Variants in GOLT1B observed in about 807,000 individuals in gnomAD.
The protein encoded by GOLT1B is golgi transport 1B, also known as vesicle transport protein GOT1B.
A neutral mutation model predicts 15.4 loss-of-function variants in GOLT1B; 3 were observed. That is an observed-to-expected ratio of 0.19 (90% confidence interval 0.09 to 0.50). The LOEUF is 0.50. GOLT1B is among the 20% of genes least tolerant of loss of function. The pLI is 0.97. For synonymous variants in GOLT1B, 65 were observed against 56.2 expected (o/e 1.16, Z -0.70); for missense variants, 145 against 160.4 (o/e 0.90, Z 0.52).
Position 21,517,027 on chromosome 12 carries a change from G to A in GOLT1B, c.*1320G>A, listed in dbSNP as rs546624457. 2.6e-5 allele frequency: 4 copies of A among 152,526 alleles called. 1 individual carries two copies. Among genetic ancestry groups the A allele is most frequent in the African/African-American group, 9.6e-5 (4 of 41,524 alleles). 9.4% of individuals were successfully genotyped at this position (152,526 alleles called of 1,614,324 possible). On this transcript the variant is annotated 3_prime_UTR_variant, in exon 5 of 5. Coordinates refer to ENST00000229314, the MANE Select transcript of GOLT1B (RefSeq NM_016072.5). ...GTAGATGTAGGGAAACATTTCAACA[G>A]CCATAGTACTATTTGTTTTACCACT... is the stretch of plus-strand genomic sequence containing the variant.
intron 2 of GOLT1B, chr12:21,507,447 C>CCTG: frequency 4.9e-6 from 1 of 202,558 alleles, no homozygotes; most frequent in South Asian, 8.1e-5. Flanking sequence ...GTGTACTATG[C>CCTG]TATTCATGTG....
At chr12:21,513,809 A>G (rs1943737373) in intron 4 of GOLT1B, among the ~76,000 whole-genome samples, 1 of 152,210 alleles carries the variant, frequency 6.6e-6, no homozygotes, top group African/African-American at 2.4e-5. Context: ...CAAAAAAGAA[A>G]AAAGAGAAAG....
At chr12:21,505,013 C>G (rs1452483126) in intron 1 of GOLT1B, among the ~76,000 whole-genome samples, 1 of 152,094 alleles carries the variant, frequency 6.6e-6, no homozygotes, top group Admixed American at 6.6e-5. Context: ...TTCAAAAGAC[C>G]TTGGTTCGAA....
intron 1 of GOLT1B, among the ~76,000 whole-genome samples, chr12:21,502,650 A>C (rs1214288820): frequency 6.6e-6 from 1 of 152,194 alleles, no homozygotes; most frequent in Non-Finnish European, 1.5e-5. Flanking sequence ...TGCCTGCCAC[A>C]GAGTTCTCCA....
At chr12:21,515,514 T>C (rs1183137213) in intron 4 of GOLT1B, among the ~76,000 whole-genome samples, 155 bp from the exon 5 acceptor site, 1 of 152,134 alleles carries the variant, frequency 6.6e-6, no homozygotes, top group Admixed American at 6.5e-5. Context: ...AAGATGATGG[T>C]GAGTAGTACT....
At chr12:21,511,989 T>G (rs1943723284) in intron 3 of GOLT1B, among the ~76,000 whole-genome samples, 1 of 152,204 alleles carries the variant, frequency 6.6e-6, no homozygotes. Flanking sequence ...ATTTTCATGG[T>G]TCTACACATA....
At position 21,516,727 on chromosome 12, in the gene GOLT1B, G is replaced by A. The variant is rs556258579; in HGVS notation, c.*1020G>A. The A allele has an allele frequency of 6.6e-6, 1 of 151,852 alleles. No individual in the cohort carries two copies. The highest frequency in any genetic ancestry group is 1.5e-5 in the Non-Finnish European group (1 of 67,882). The allele number at this position is 151,852 out of a possible 1,614,324, so 9.4% of individuals were successfully genotyped here. A position where few individuals can be genotyped will look rare whatever the true frequency, so the allele number is the denominator to read the frequency against. On this transcript the variant is annotated 3_prime_UTR_variant, in exon 5 of 5. Transcript: ENST00000229314. ...TTAAACTTATGGCTATTTTTAAAGG[G>A]CTATTCATTTAATCTGAGTTTTCCC...
Position 21,508,430 on chromosome 12 carries a change from A to G in GOLT1B, c.165A>G (p.Thr55=). 12 of 1,597,986 alleles carry G rather than the reference A, an allele frequency of 7.5e-6. No individual in the cohort carries two copies. The highest frequency in any genetic ancestry group is 2.2e-5 in the East Asian group (1 of 44,606). ...GLAFVIGLER[T]FRFFFQKHKM... is the part of the protein sequence containing the mutation. ...CTTTTGTAATTGGTTTAGAAAGAAC[A>G]TTCAGATTCTTCTTCCAAAAACATA... is the stretch of plus-strand genomic sequence containing the variant. Residue 55 remains threonine, a synonymous_variant, in exon 3 of 5, where the codon ACA becomes ACG. Transcript: ENST00000229314.
At chr12:21,504,144 G>C (rs1173593307) in intron 1 of GOLT1B, among the ~76,000 whole-genome samples, 2 of 152,206 alleles carry the variant, frequency 1.3e-5, no homozygotes, top group Non-Finnish European at 2.9e-5. Context: ...TCCACAGTAT[G>C]CTCCTTATGT....
rs556795738 is a variant in GOLT1B at position 21,515,567 on chromosome 12, T to C, written c.379-102T>C. 2.4e-4 allele frequency: 168 copies of C among 703,330 alleles called. No homozygotes were observed. The African/African-American group carries it at 2.7e-3, about 11-fold the overall frequency. 43.6% of individuals were successfully genotyped at this position (703,330 alleles called of 1,614,324 possible). On this transcript the variant is annotated intron_variant, in intron 4 of 4. Transcript: ENST00000229314. The stretch of plus-strand genomic sequence containing the variant: ...TCATACCTTAAATTTCCACAACTCT[T>C]CTTGTAAGGCTGGGTTTTTAAAATC...
Position 21,506,889 on chromosome 12 carries a change from T to G in GOLT1B, c.30T>G (p.Ile10Met). 1 of 1,399,398 alleles carries G rather than the reference T, an allele frequency of 7.1e-7. No individual in the cohort carries two copies. The highest frequency in any genetic ancestry group is 1.0e-6 in the Non-Finnish European group (1 of 989,964). The allele number at this position is 1,399,398 out of a possible 1,614,324, so 86.7% of individuals were successfully genotyped here. MISLTDTQKIGMGLTGFGVF... is the reference protein window; with the variant it reads MISLTDTQKMGMGLTGFGVF... The stretch of plus-strand genomic sequence containing the variant: ...ACCATATACCTTATATTGCAGAAAT[T>G]GGAATGGGATTAACAGGATTTGGAG... The change falls in exon 2 of 5, where the codon ATT becomes ATG. Residue 10 changes from isoleucine to methionine, a missense_variant. By Grantham distance (10) the Ile-to-Met change is conservative. Coordinates refer to ENST00000229314, the MANE Select transcript of GOLT1B (RefSeq NM_016072.5).
At chr12:21,511,352 C>A (rs1943718460) in intron 3 of GOLT1B, among the ~76,000 whole-genome samples, 1 of 147,944 alleles carries the variant, frequency 6.8e-6, no homozygotes. Flanking sequence ...CCCCAACCCA[C>A]CATCCTCCAA....
Position 21,515,257 on chromosome 12 carries a change from G to C in GOLT1B, c.379-412G>C, listed in dbSNP as rs1441432329. 4 of 1,460,940 alleles carry C rather than the reference G, an allele frequency of 2.7e-6. No homozygotes were observed. In the South Asian group the frequency reaches 3.7e-5, roughly 13 times the overall value. 90.5% of individuals were successfully genotyped at this position (1,460,940 alleles called of 1,614,324 possible). A position where few individuals can be genotyped will look rare whatever the true frequency, so the allele number is the denominator to read the frequency against. ...CCAAAGACTACATAGGCCCAGAAGAGATCCACAGTAATGGTCAGTTGAAAT... is the reference window on the plus strand; with the variant it reads ...CCAAAGACTACATAGGCCCAGAAGACATCCACAGTAATGGTCAGTTGAAAT... On this transcript the variant is annotated intron_variant, in intron 4 of 4. Transcript: ENST00000229314.
chr12:21,518,318 CA>C lies in GOLT1B; in HGVS notation c.*2614del, dbSNP rs1389729907. Reference sequence around the variant, plus strand: ...AATTGTTGAAATGTACTAATGAATACAAATAGACTTCAAGTAAGCAAAAATG... The same window carrying C: ...AATTGTTGAAATGTACTAATGAATACAATAGACTTCAAGTAAGCAAAAATG... On this transcript the variant is annotated 3_prime_UTR_variant, in exon 5 of 5. Transcript: ENST00000229314. 1.3e-5 allele frequency: 2 copies of C among 152,024 alleles called. No individual in the cohort carries two copies. Among genetic ancestry groups the C allele is most frequent in the Non-Finnish European group, 2.9e-5 (2 of 67,984 alleles). 9.4% of individuals were successfully genotyped at this position (152,024 alleles called of 1,614,324 possible).
chr12:21,514,841 A>G (rs1317115125), intron 4 of GOLT1B, among the ~76,000 whole-genome samples: 1 of 151,812 alleles, frequency 6.6e-6, no homozygotes. Context: ...ATTCATCATG[A>G]TAAGTGCTTA....
At chr12:21,502,642 C>A (rs1322316693) in intron 1 of GOLT1B, among the ~76,000 whole-genome samples, 1 of 152,172 alleles carries the variant, frequency 6.6e-6, no homozygotes, top group African/African-American at 2.4e-5. Flanking sequence ...TCGCTCTCTG[C>A]CTGCCACAGA....
At chr12:21,505,849 A>T (rs1399100775) in intron 1 of GOLT1B, among the ~76,000 whole-genome samples, 1 of 152,106 alleles carries the variant, frequency 6.6e-6, no homozygotes, top group Non-Finnish European at 1.5e-5. Flanking sequence ...ATTAATGGCT[A>T]TTTTCTAGAA....
chr12:21,501,824 G>A lies in GOLT1B; in HGVS notation c.-100G>A. On this transcript the variant is annotated 5_prime_UTR_variant, in exon 1 of 5. Coordinates refer to ENST00000229314, the MANE Select transcript of GOLT1B (RefSeq NM_016072.5). ...GCTGCGTGTTTCCGGAAGACGTGGCGGCTCTCGCCTGGGCTGTTTCCCGGC... is the reference window on the plus strand; with the variant it reads ...GCTGCGTGTTTCCGGAAGACGTGGCAGCTCTCGCCTGGGCTGTTTCCCGGC... The A allele has an allele frequency of 2.5e-6, 2 of 814,016 alleles. No individual in the cohort carries two copies. Among genetic ancestry groups the A allele is most frequent in the Non-Finnish European group, 4.2e-6 (2 of 471,646 alleles). 50.4% of individuals were successfully genotyped at this position (814,016 alleles called of 1,614,324 possible). A position where few individuals can be genotyped will look rare whatever the true frequency, so the allele number is the denominator to read the frequency against.
intron 2 of GOLT1B, among the ~76,000 whole-genome samples, chr12:21,507,713 A>T (rs1376392817): frequency 3.9e-5 from 6 of 152,166 alleles, no homozygotes; most frequent in Non-Finnish European, 5.9e-5. Context: ...TCACTAAAGA[A>T]TGTTAATGGG....
Sources: gnomAD v4.1 joint callset for allele counts (sites outside exome capture counted in the v4.1 genomes callset) on GRCh38, gnomAD v4.1.1 for gene constraint, MANE v1.5 for transcripts, NCBI Gene and HGNC (gene_info 2026-07-23, HGNC 2026-07-21) for gene names.